Variants in NRG1 observed in about 807,000 individuals in gnomAD.
NRG1 encodes pro-neuregulin-1, membrane-bound isoform.
A neutral mutation model predicts 63.8 loss-of-function variants in NRG1; 18 were observed. The ratio of observed to expected loss-of-function variants is 0.28; its 90% CI spans 0.19 to 0.42. NRG1 has a LOEUF of 0.42. Ranked by LOEUF, NRG1 falls within the 10% of genes least tolerant of loss-of-function variation. The probability of loss-of-function intolerance (pLI) is 1.00; values close to 1 mark genes in which losing one functional copy is unlikely to be tolerated. For synonymous variants in NRG1, 302 were observed against 301.3 expected (o/e 1.00, Z -0.02); for missense variants, 762 against 814.7 (o/e 0.94, Z 0.79).
At chr8:31,820,080 T>C (rs1823860647) in intron 1 of NRG1, among the ~76,000 whole-genome samples, 1 of 95,630 alleles carries the variant, frequency 1.0e-5, no homozygotes, top group South Asian at 2.6e-4. Context: ...TGAACAGTGA[T>C]TTTTATGTAT....
chr8:32,329,899 G>A (rs1241142548), intron 1 of NRG1, among the ~76,000 whole-genome samples: 1 of 151,516 alleles, frequency 6.6e-6, no homozygotes, highest in African/African-American at 2.4e-5. Context: ...AGAGATAGGG[G>A]GTCTCATTCT....
At chr8:32,368,861 A>C (rs1002802157) in intron 1 of NRG1, among the ~76,000 whole-genome samples, 3 of 152,242 alleles carry the variant, frequency 2.0e-5, no homozygotes, top group African/African-American at 7.2e-5. Flanking sequence ...GAAAGCTATG[A>C]AAGTGAAAAT....
intron 1 of NRG1, among the ~76,000 whole-genome samples, chr8:31,876,030 AAAAC>A (rs4035778): frequency 0.42 from 62,572 of 149,322 alleles, 13,371 homozygotes; most frequent in East Asian, 0.68. Flanking sequence ...TCTGTCCTAA[AAAAC>A]AAACAAACAA....
intron 1 of NRG1, among the ~76,000 whole-genome samples, chr8:31,696,183 C>G (rs1378234129): frequency 1.3e-5 from 2 of 152,210 alleles, no homozygotes; most frequent in Admixed American, 6.5e-5. Flanking sequence ...TCTCCTCCCT[C>G]AGCCTCCCAA....
intron 1 of NRG1, among the ~76,000 whole-genome samples, chr8:31,984,106 C>T (rs1809627074): frequency 6.6e-6 from 1 of 151,986 alleles, no homozygotes; most frequent in South Asian, 2.1e-4. Flanking sequence ...ACCAAAGACT[C>T]ATAGTGGATA....
chr8:31,952,856 G>T (rs531342819), intron 1 of NRG1, among the ~76,000 whole-genome samples: 1 of 152,272 alleles, frequency 6.6e-6, no homozygotes, highest in African/African-American at 2.4e-5. Context: ...GCCATCATTT[G>T]TTGATTCATA....
intron 1 of NRG1, among the ~76,000 whole-genome samples, chr8:31,918,296 G>A (rs1347615192): frequency 6.6e-6 from 1 of 152,182 alleles, no homozygotes; most frequent in East Asian, 1.9e-4. Flanking sequence ...CAAAGGGAAT[G>A]CTTCCAGTTT....
At chr8:32,692,951 C>T (rs1812198193) in intron 5 of NRG1, among the ~76,000 whole-genome samples, 1 of 152,176 alleles carries the variant, frequency 6.6e-6, no homozygotes, top group Non-Finnish European at 1.5e-5. Context: ...CATTACTACA[C>T]TTATCAGGGT....
intron 1 of NRG1, among the ~76,000 whole-genome samples, chr8:32,476,740 A>T (rs1468250017): frequency 2.6e-5 from 4 of 152,162 alleles, no homozygotes; most frequent in African/African-American, 4.8e-5. Context: ...AAATATTGAC[A>T]GTTACTTTGC....
chr8:31,989,247 C>T (rs1291049960), intron 1 of NRG1, among the ~76,000 whole-genome samples: 3 of 3,158 alleles, frequency 9.5e-4, no homozygotes, highest in East Asian at 0.019. Context: ...GAGAGAGACT[C>T]TGTCTCAAAA....
At chr8:31,980,645 A>G (rs1808913674) in intron 1 of NRG1, among the ~76,000 whole-genome samples, 1 of 152,018 alleles carries the variant, frequency 6.6e-6, no homozygotes, top group African/African-American at 2.4e-5. Flanking sequence ...TAATATTTCT[A>G]GTTTCTTCTA....
intron 1 of NRG1, among the ~76,000 whole-genome samples, chr8:32,396,662 A>G (rs1678673596): frequency 6.6e-6 from 1 of 152,080 alleles, no homozygotes; most frequent in African/African-American, 2.4e-5. Context: ...TGGTTAGGCT[A>G]GTGTTGAACT....
intron 1 of NRG1, among the ~76,000 whole-genome samples, chr8:32,216,040 CA>C (rs113133570): frequency 1.6e-4 from 20 of 122,774 alleles, no homozygotes; most frequent in South Asian, 2.6e-4. Context: ...GACTCTGTCT[CA>C]AAAAAAAAAG....
intron 7 of NRG1, among the ~76,000 whole-genome samples, chr8:32,750,804 C>T (rs1359227005): frequency 6.6e-6 from 1 of 151,506 alleles, no homozygotes; most frequent in Non-Finnish European, 1.5e-5. Flanking sequence ...CGCAGAACAT[C>T]TCCAAAGAGG....
chr8:32,463,857 G>A (rs1587799166), intron 1 of NRG1, among the ~76,000 whole-genome samples: 3 of 107,874 alleles, frequency 2.8e-5, no homozygotes, highest in Non-Finnish European at 3.7e-5. Context: ...ACACACACAC[G>A]AAAAAAACTT....
At chr8:32,051,252 T>C (rs1563727592) in intron 1 of NRG1, among the ~76,000 whole-genome samples, 1 of 152,274 alleles carries the variant, frequency 6.6e-6, no homozygotes, top group East Asian at 1.9e-4. Context: ...CAATAATGTA[T>C]AACAACCTCT....
In NRG1 at chr8:31,906,862, G is replaced by T. The variant is rs142943670; in HGVS notation, c.37+267431G>T. On this transcript the variant is annotated intron_variant, in intron 1 of 10. Transcript: ENST00000519301. ...GAAATGGACACAAACATGGCTCAAA[G>T]TCTAGAGGAAATAAAATGAAGCCAC... Among the ~76,000 whole-genome samples the T allele has an allele frequency of 7.9e-5, 12 of 152,106 alleles. No individual in the cohort carries two copies. In the East Asian group the frequency reaches 2.3e-3, roughly 29 times the overall value.
intron 1 of NRG1, among the ~76,000 whole-genome samples, chr8:32,197,081 T>G (rs776854216): frequency 2.6e-4 from 39 of 149,182 alleles, no homozygotes; most frequent in Admixed American, 8.8e-4. Flanking sequence ...TGCCTCAGCC[T>G]CCTGAGTAGC....
intron 1 of NRG1, among the ~76,000 whole-genome samples, chr8:31,811,172 C>T (rs1458484028): frequency 1.3e-5 from 2 of 152,162 alleles, no homozygotes; most frequent in Non-Finnish European, 2.9e-5. Context: ...CTGTTCACAC[C>T]ATGGTCCTTT....
Sources: allele counts gnomAD v4.1 joint callset (sites outside exome capture counted in the v4.1 genomes callset), GRCh38; gene constraint gnomAD v4.1.1; transcripts MANE v1.5; gene names NCBI Gene and HGNC (gene_info 2026-07-23, HGNC 2026-07-21).